Variants in HECW2 observed in about 807,000 individuals in gnomAD.
HECW2 encodes the protein HECT, C2 and WW domain containing E3 ubiquitin protein ligase 2.
HECW2 carries 61 observed loss-of-function variants against 175.2 expected under a neutral mutation model. The observed-to-expected ratio is 0.35, with a 90% confidence interval of 0.28 to 0.43. The LOEUF is 0.43. Ranked by LOEUF, HECW2 falls within the 20% of genes least tolerant of loss-of-function variation. HECW2 has a pLI of 1.00. For missense variants in HECW2, 1,524 were observed against 2,000.5 expected (o/e 0.76, Z 4.54); for synonymous variants, 671 against 731.0 (o/e 0.92, Z 1.32).
At chr2:196,528,640 C>T (rs1688747624) in intron 1 of HECW2, among the ~76,000 whole-genome samples, 1 of 152,202 alleles carries the variant, frequency 6.6e-6, no homozygotes, top group African/African-American at 2.4e-5. Context: ...TTCTATTGTA[C>T]ACATCCAAGG....
chr2:196,235,860 G>A (rs983764999), intron 21 of HECW2, among the ~76,000 whole-genome samples: 42 of 151,686 alleles, frequency 2.8e-4, no homozygotes, highest in South Asian at 2.7e-3. Flanking sequence ...GGGTTTCACC[G>A]TGCTAGCCAG....
chr2:196,452,474 T>C (rs1374904380), intron 1 of HECW2, among the ~76,000 whole-genome samples: 1 of 152,144 alleles, frequency 6.6e-6, no homozygotes, highest in Non-Finnish European at 1.5e-5. Context: ...CTTAAAGCCA[T>C]GTCTGGGCTT....
In HECW2 at chr2:196,323,929, T is replaced by G. The variant is rs912550621; in HGVS notation, c.741+1051A>C. On this transcript the variant is annotated intron_variant, in intron 6 of 28. Coordinates refer to ENST00000644978, the MANE Select transcript of HECW2 (RefSeq NM_001348768.2). ...TTTTGTTTTTTGTTTGTTTTTTTTTTTTTTTTTTACCATGATGAGATCATT... is the reference window on the plus strand; with the variant it reads ...TTTTGTTTTTTGTTTGTTTTTTTTTGTTTTTTTTACCATGATGAGATCATT... 6.0e-5 allele frequency among the ~76,000 whole-genome samples: 9 copies of G among 149,160 alleles called. No individual in the cohort carries two copies. The East Asian group carries it at 9.7e-4, about 16-fold the overall frequency.
At chr2:196,543,201 T>C (rs1415668734) in intron 1 of HECW2, among the ~76,000 whole-genome samples, 1 of 151,278 alleles carries the variant, frequency 6.6e-6, no homozygotes, top group Non-Finnish European at 1.5e-5. Context: ...ACATCAGTGG[T>C]TCAGTAGTTC....
At chr2:196,476,124 G>A (rs1411068790) in intron 1 of HECW2, among the ~76,000 whole-genome samples, 3 of 151,072 alleles carry the variant, frequency 2.0e-5, no homozygotes, top group Non-Finnish European at 4.4e-5. Context: ...TAATCTCTCC[G>A]TGCCTCAGTT....
Position 196,320,235 on chromosome 2 carries a change from C to T in HECW2, c.985+104G>A, listed in dbSNP as rs1691890318. ...TTTGACAGCTATTTTACTTTCAAAA[C>T]AGAACATGAATTCAATTCTGTTCAG... On this transcript the variant is annotated intron_variant, in intron 8 of 28. Transcript: ENST00000644978. 4.1e-6 allele frequency: 3 copies of T among 734,620 alleles called. No homozygotes were observed. The East Asian group carries it at 8.2e-5, about 20-fold the overall frequency. 45.5% of individuals were successfully genotyped at this position (734,620 alleles called of 1,614,324 possible). A position where few individuals can be genotyped will look rare whatever the true frequency, so the allele number is the denominator to read the frequency against.
chr2:196,445,186 T>C (rs996706351), intron 1 of HECW2, among the ~76,000 whole-genome samples: 2 of 152,250 alleles, frequency 1.3e-5, no homozygotes, highest in African/African-American at 4.8e-5. Flanking sequence ...TATAAGCTTT[T>C]TGAGGACAAA....
chr2:196,278,131 A>ATATATATATATATATATAT (rs1559005185), intron 15 of HECW2, among the ~76,000 whole-genome samples: 3 of 29,006 alleles, frequency 1.0e-4, no homozygotes, highest in African/African-American at 2.0e-4. Context: ...GTATAATTAA[A>ATATATATATATATATATAT]AAATATATAT....
At chr2:196,340,696 G>C (rs1011793080) in intron 3 of HECW2, among the ~76,000 whole-genome samples, 1 of 151,958 alleles carries the variant, frequency 6.6e-6, no homozygotes, top group Non-Finnish European at 1.5e-5. Flanking sequence ...GCAAGGGTAG[G>C]GGGTGAGTGT....
chr2:196,305,866 A>G (rs1254742077), intron 13 of HECW2, among the ~76,000 whole-genome samples: 1 of 152,094 alleles, frequency 6.6e-6, no homozygotes. Context: ...CCCTCATTCT[A>G]AATCACTTCA....
intron 2 of HECW2, among the ~76,000 whole-genome samples, chr2:196,384,924 A>AC (rs1199494522): frequency 2.6e-5 from 4 of 150,972 alleles, no homozygotes; most frequent in African/African-American, 9.7e-5. Flanking sequence ...TGTTTCTTTC[A>AC]CTTTTTTTTT....
intron 1 of HECW2, among the ~76,000 whole-genome samples, chr2:196,454,863 T>A (rs1696457171): frequency 6.6e-6 from 1 of 152,222 alleles, no homozygotes; most frequent in East Asian, 1.9e-4. Context: ...CTGAAAGGGT[T>A]ATTATTAGAA....
At chr2:196,345,588 T>G (rs1161625703) in intron 2 of HECW2, among the ~76,000 whole-genome samples, 2 of 152,234 alleles carry the variant, frequency 1.3e-5, no homozygotes, top group Non-Finnish European at 2.9e-5. Context: ...GCAATCAGGA[T>G]GATCCATTGA....
rs1349476231 is a variant in HECW2, at chr2:196,318,891, G to A, written c.1999C>T (p.Arg667Trp). The A allele has an allele frequency of 3.2e-6, 5 of 1,562,340 alleles. No homozygotes were observed. The highest frequency in any genetic ancestry group is 2.4e-5 in the South Asian group (2 of 81,690). Residue 667 changes from arginine (R) to tryptophan (W), a missense_variant, in exon 9 of 29, where the codon CGG becomes TGG. By Grantham distance (101) the Arg-to-Trp change is moderately radical. Transcript: ENST00000644978. ...GAAAAGGCTGGGGTTTCAGGAAACCGTGCGCTCTCAAGAGAGGAGCACCGT... is the reference window on the plus strand; with the variant it reads ...GAAAAGGCTGGGGTTTCAGGAAACCATGCGCTCTCAAGAGAGGAGCACCGT... ...DTRCSSLESARFPETPAFSSQ... is the reference protein window; with the variant it reads ...DTRCSSLESAWFPETPAFSSQ...
chr2:196,278,781 A>T, intron 14 of HECW2, 119 bp from the exon 15 acceptor site: 9 of 1,180,366 alleles, frequency 7.6e-6, no homozygotes, highest in Non-Finnish European at 1.1e-5. Flanking sequence ...ATTTTCTCAT[A>T]ATTTTCAATC....
At chr2:196,217,859 T>A (rs981372033) in intron 26 of HECW2, 1 of 152,200 alleles carries the variant, frequency 6.6e-6, no homozygotes, top group Admixed American at 6.5e-5. Flanking sequence ...TTCAAACCAA[T>A]GAATAGACAT....
chr2:196,363,663 T>G (rs1272156394), intron 2 of HECW2, among the ~76,000 whole-genome samples: 2 of 152,124 alleles, frequency 1.3e-5, no homozygotes, highest in African/African-American at 4.8e-5. Flanking sequence ...TACAAAAACA[T>G]GTTTTTTAAA....
chr2:196,334,295 C>A, intron 4 of HECW2, 129 bp downstream of exon 4: 2 of 648,592 alleles, frequency 3.1e-6, no homozygotes, highest in Non-Finnish European at 5.4e-6. Flanking sequence ...TTTCCTATAA[C>A]AGTGCCCACA....
intron 28 of HECW2, among the ~76,000 whole-genome samples, chr2:196,204,909 T>C (rs553963507): frequency 5.2e-4 from 79 of 152,334 alleles, no homozygotes; most frequent in African/African-American, 1.7e-3. Context: ...CTTTGCCATT[T>C]CTGTAGTATC....
Sources: allele counts gnomAD v4.1 joint callset (sites outside exome capture counted in the v4.1 genomes callset), GRCh38; gene constraint gnomAD v4.1.1; transcripts MANE v1.5; gene names NCBI Gene and HGNC (gene_info 2026-07-23, HGNC 2026-07-21).